Variants in RGL3 observed in about 807,000 individuals in gnomAD.
RGL3 encodes the protein ral guanine nucleotide dissociation stimulator-like 3.
In RGL3, 85 loss-of-function variants were observed where a neutral mutation model predicts 90.6. That is an observed-to-expected ratio of 0.94 (90% CI 0.79 to 1.12). RGL3 has a LOEUF of 1.12. Among genes scored for constraint, RGL3 ranks in the 50% most tolerant of loss-of-function variants. The probability of loss-of-function intolerance (pLI) is 0.00; values close to 1 mark genes in which losing one functional copy is unlikely to be tolerated. For missense variants in RGL3, 1,034 were observed against 939.2 expected (o/e 1.10, Z -1.32); for synonymous variants, 408 against 385.5 (o/e 1.06, Z -0.68).
Position 11,402,448 on chromosome 19 carries a change from G to A in RGL3, c.1329+7C>T. 1 of 1,598,404 alleles carries A rather than the reference G, an allele frequency of 6.3e-7. No homozygotes were observed. The highest frequency in any genetic ancestry group is 1.3e-5 in the African/African-American group (1 of 74,200). On this transcript the variant is annotated splice_region_variant and intron_variant, in intron 11 of 18. Transcript: ENST00000380456. ...TGGGGTCAGGGGTCAAGGGTCAGGG[G>A]TCAGACCTCCAACATATCCGGCAGG...
At chr19:11,401,873 G>T in intron 13 of RGL3, 138 bp downstream of exon 13, 1 of 1,141,458 alleles carries the variant, frequency 8.8e-7, no homozygotes, top group Non-Finnish European at 1.2e-6. Flanking sequence ...GATACTGCAA[G>T]GTCACAGGTT....
At position 11,400,300 on chromosome 19, in the gene RGL3, G is replaced by T. The variant is rs372280094; in HGVS notation, c.1485-3C>A. ...CAATGACCCGGGAGAGCCGGTAGCTGAGGGGTCAATATGTGGATGAGGTGG... is the reference window on the plus strand; with the variant it reads ...CAATGACCCGGGAGAGCCGGTAGCTTAGGGGTCAATATGTGGATGAGGTGG... On this transcript the variant is annotated splice_polypyrimidine_tract_variant and splice_region_variant and intron_variant, in intron 13 of 18. Transcript: ENST00000380456. 3.8e-6 allele frequency: 6 copies of T among 1,579,552 alleles called. No individual in the cohort carries two copies. The African/African-American group carries it at 8.1e-5, about 21-fold the overall frequency.
chr19:11,418,894 T>G, intron 1 of RGL3, 110 bp from the exon 2 acceptor site: 1 of 857,074 alleles, frequency 1.2e-6, no homozygotes, highest in Non-Finnish European at 1.7e-6. Flanking sequence ...CCCACGCCCC[T>G]TCCCGGCCAG....
intron 5 of RGL3, among the ~76,000 whole-genome samples, chr19:11,408,496 G>A (rs553186839): frequency 4.3e-4 from 65 of 151,602 alleles, no homozygotes; most frequent in African/African-American, 1.4e-3. Flanking sequence ...TGAGGCAGGA[G>A]AATCGCTTGA....
intron 5 of RGL3, among the ~76,000 whole-genome samples, chr19:11,412,006 G>A (rs988919258): frequency 5.9e-5 from 9 of 152,036 alleles, no homozygotes; most frequent in African/African-American, 1.4e-4. Flanking sequence ...AGGGCCGGGC[G>A]CCATGGCTCA....
At chr19:11,409,638 T>A (rs1453364016) in intron 5 of RGL3, among the ~76,000 whole-genome samples, 1 of 152,214 alleles carries the variant, frequency 6.6e-6, no homozygotes. Context: ...TGGGCTTTGT[T>A]TTGTTTGCAA....
chr19:11,416,777 G>C, intron 3 of RGL3, 59 bp downstream of exon 3: 3 of 1,596,550 alleles, frequency 1.9e-6, no homozygotes, highest in Non-Finnish European at 2.6e-6. Flanking sequence ...GGAGGTGGAG[G>C]GGGGTGCCCA....
chr19:11,415,877 T>C, intron 5 of RGL3, 60 bp downstream of exon 5: 1 of 1,427,782 alleles, frequency 7.0e-7, no homozygotes, highest in Non-Finnish European at 9.5e-7. Flanking sequence ...AAAGCCTGTG[T>C]GGGAAGAAGC....
intron 5 of RGL3, among the ~76,000 whole-genome samples, chr19:11,409,201 C>A (rs542401845): frequency 6.9e-6 from 1 of 145,162 alleles, no homozygotes; most frequent in Non-Finnish European, 1.5e-5. Context: ...GAAAAGAAGG[C>A]CGGGGGCAGT....
chr19:11,418,563 C>A (rs1969043776), intron 2 of RGL3, 108 bp downstream of exon 2: 1 of 875,840 alleles, frequency 1.1e-6, no homozygotes, highest in Non-Finnish European at 1.7e-6. Context: ...CCTCCGAGCC[C>A]CTCCCTTCCT....
chr19:11,417,470 C>CTTTTTT (rs66697430), intron 2 of RGL3, among the ~76,000 whole-genome samples: 1 of 114,534 alleles, frequency 8.7e-6, no homozygotes, highest in African/African-American at 3.5e-5. Context: ...CCTAGCACCA[C>CTTTTTT]TTTTTTTTTT....
At chr19:11,416,188 G>T (rs185361624) in intron 4 of RGL3, 40 bp from the exon 5 acceptor site, 8 of 1,397,930 alleles carry the variant, frequency 5.7e-6, no homozygotes, top group African/African-American at 4.4e-5. Context: ...GGTCCAGAGT[G>T]GGGGACATAG....
chr19:11,398,891 G>T (rs573683733), intron 16 of RGL3, among the ~76,000 whole-genome samples: 1 of 150,752 alleles, frequency 6.6e-6, no homozygotes, highest in Non-Finnish European at 1.5e-5. Flanking sequence ...GGATGGTCTC[G>T]ATCTCTTGAC....
intron 13 of RGL3, among the ~76,000 whole-genome samples, chr19:11,401,281 T>C (rs1213119149): frequency 6.6e-6 from 1 of 150,894 alleles, no homozygotes; most frequent in Non-Finnish European, 1.5e-5. Flanking sequence ...AGACTGGAAC[T>C]GCAGTGGCGT....
chr19:11,397,318 G>C lies in RGL3; in HGVS notation c.1940C>G (p.Ala647Gly). The C allele has an allele frequency of 1.2e-6, 2 of 1,610,954 alleles. No individual in the cohort carries two copies. Among genetic ancestry groups the C allele is most frequent in the Non-Finnish European group, 1.7e-6 (2 of 1,178,542 alleles). Residue 647 changes from alanine (A) to glycine (G), a missense_variant, in exon 18 of 19, where the codon GCC becomes GGC. Coordinates refer to ENST00000380456, the MANE Select transcript of RGL3 (RefSeq NM_001035223.4). ...CTGGGGCACATTGTGCTTCTGCAAG[G>C]CTCGCCGGACCACGCTGGGGGCTTT... ...QDKAPSVVRR[A>G]LQKHNVPQPW...
chr19:11,398,059 C>T (rs999915440), intron 16 of RGL3, among the ~76,000 whole-genome samples: 1 of 151,984 alleles, frequency 6.6e-6, no homozygotes, highest in Non-Finnish European at 1.5e-5. Context: ...AGAAAACATA[C>T]TACTACCCCC....
chr19:11,407,898 C>T (rs1296519960), intron 5 of RGL3, among the ~76,000 whole-genome samples: 1 of 150,590 alleles, frequency 6.6e-6, no homozygotes, highest in Non-Finnish European at 1.5e-5. Context: ...GTTGGCCAGG[C>T]TGGTCTTGAA....
chr19:11,405,293 G>T (rs1167873896), intron 8 of RGL3, 30 bp downstream of exon 8: 2 of 1,611,444 alleles, frequency 1.2e-6, no homozygotes, highest in Non-Finnish European at 1.7e-6. Context: ...ACCTGGGATG[G>T]GCTGGGGAAC....
At chr19:11,406,390 C>G in intron 7 of RGL3, 29 bp downstream of exon 7, 2 of 1,519,724 alleles carry the variant, frequency 1.3e-6, no homozygotes, top group Non-Finnish European at 1.8e-6. Context: ...GGCCCGCCCC[C>G]GCATCCCCTC....
Sources: allele counts gnomAD v4.1 joint callset (sites outside exome capture counted in the v4.1 genomes callset), GRCh38; gene constraint gnomAD v4.1.1; transcripts MANE v1.5; gene names NCBI Gene and HGNC (gene_info 2026-07-23, HGNC 2026-07-21).